Variants in TMEM131 observed in about 807,000 individuals in gnomAD.
TMEM131 encodes the protein transmembrane protein 131.
In TMEM131, 66 loss-of-function variants were observed where a neutral mutation model predicts 211.6. The ratio of observed to expected loss-of-function variants is 0.31; its 90% CI spans 0.26 to 0.38. The LOEUF (loss-of-function observed/expected upper bound fraction) is 0.38. TMEM131 is among the 10% of genes least tolerant of loss of function. The pLI is 1.00. For synonymous variants in TMEM131, 844 were observed against 841.3 expected, an observed-to-expected ratio of 1.00 and a Z score of -0.06; for missense variants, 2,036 against 2,299.3, an observed-to-expected ratio of 0.89 and a Z score of 2.34.
intron 12 of TMEM131, 87 bp downstream of exon 12, chr2:97,818,526 G>A: frequency 1.4e-6 from 1 of 713,900 alleles, no homozygotes; most frequent in Non-Finnish European, 2.2e-6. Flanking sequence ...AAACAGTTTG[G>A]ATTTTTATAT....
At chr2:97,801,648 C>G (rs1681040750) in intron 25 of TMEM131, among the ~76,000 whole-genome samples, 1 of 152,108 alleles carries the variant, frequency 6.6e-6, no homozygotes, top group African/African-American at 2.4e-5. Flanking sequence ...TTATTACAAA[C>G]CTTCATGGGC....
chr2:97,878,428 T>G (rs1472774663), intron 4 of TMEM131, among the ~76,000 whole-genome samples: 1 of 152,136 alleles, frequency 6.6e-6, no homozygotes, highest in Non-Finnish European at 1.5e-5. Context: ...CTATTCACAA[T>G]AGCAAAGACT....
chr2:97,859,220 A>C (rs1673967824), intron 5 of TMEM131, 84 bp downstream of exon 5: 1 of 1,397,920 alleles, frequency 7.2e-7, no homozygotes, highest in Admixed American at 2.6e-5. Flanking sequence ...ACCCAATTCT[A>C]ATCACAGCAA....
At chr2:97,976,368 C>T (rs1199561337) in intron 1 of TMEM131, among the ~76,000 whole-genome samples, 2 of 152,028 alleles carry the variant, frequency 1.3e-5, no homozygotes, top group African/African-American at 4.8e-5. Flanking sequence ...AAATTTACTT[C>T]TATATACTAG....
intron 4 of TMEM131, among the ~76,000 whole-genome samples, chr2:97,868,053 C>A (rs1002399019): frequency 2.6e-5 from 4 of 152,114 alleles, no homozygotes; most frequent in Non-Finnish European, 1.5e-5. Flanking sequence ...AAATCCCATG[C>A]CCTAAGGGTA....
intron 3 of TMEM131, among the ~76,000 whole-genome samples, chr2:97,900,106 A>G (rs1675787504): frequency 6.6e-6 from 1 of 152,176 alleles, no homozygotes. Context: ...TCATCTGGTA[A>G]CATGGTACAG....
chr2:97,890,612 G>C (rs1322949697), intron 3 of TMEM131, among the ~76,000 whole-genome samples: 1 of 152,124 alleles, frequency 6.6e-6, no homozygotes, highest in Non-Finnish European at 1.5e-5. Flanking sequence ...ATATTAAAAA[G>C]TTACTAATTT....
chr2:97,894,693 G>T (rs1443311447), intron 3 of TMEM131, among the ~76,000 whole-genome samples: 1 of 152,074 alleles, frequency 6.6e-6, no homozygotes, highest in African/African-American at 2.4e-5. Context: ...TTAGCGTATA[G>T]GAACGCTTGT....
At chr2:97,760,982 C>T (rs1054236958) in intron 36 of TMEM131, 68 bp from the exon 37 acceptor site, 1 of 1,589,152 alleles carries the variant, frequency 6.3e-7, no homozygotes, top group Non-Finnish European at 8.6e-7. Flanking sequence ...AGGTGTGGGG[C>T]TGGCAGGACT....
In TMEM131 at chr2:97,802,688, G is replaced by T; in HGVS notation, c.2505C>A (p.His835Gln). The change falls in exon 23 of 41, where the codon CAC becomes CAA. Residue 835 changes from histidine to glutamine, a missense_variant. Around this residue, in one of 3 missense-constraint regions of TMEM131, gnomAD observed 1,623 missense variants for 1,805.9 expected, o/e 0.90. Transcript: ENST00000186436. ...SWPSILSSPR[H>Q]LKFPLTNTNC... Reference sequence around the variant, plus strand: ...TTGTATTAGTAAGTGGAAATTTCAAGTGCCGGGGTGAGCTAAGTATGGAAG... The same window carrying T: ...TTGTATTAGTAAGTGGAAATTTCAATTGCCGGGGTGAGCTAAGTATGGAAG... The T allele has an allele frequency of 6.2e-7, 1 of 1,610,876 alleles. No homozygotes were observed. The highest frequency in any genetic ancestry group is 8.5e-7 in the Non-Finnish European group (1 of 1,178,526).
intron 31 of TMEM131, among the ~76,000 whole-genome samples, chr2:97,790,424 C>T (rs967051830): frequency 6.6e-6 from 1 of 152,214 alleles, no homozygotes; most frequent in Non-Finnish European, 1.5e-5. Context: ...TGTCTCCTCA[C>T]AGGCTCAAGA....
intron 3 of TMEM131, among the ~76,000 whole-genome samples, chr2:97,901,791 T>C (rs1675863619): frequency 6.6e-6 from 1 of 152,116 alleles, no homozygotes; most frequent in African/African-American, 2.4e-5. Flanking sequence ...CATTTGCTTT[T>C]TGGTGTGAGA....
In TMEM131 at chr2:97,760,611, T is replaced by G; in HGVS notation, c.5090A>C (p.Asp1697Ala). ...SSLGISHAPV[D>A]SDGSDSSGLW... is the part of the protein sequence containing the mutation. ...ACCGTACCTGTCTGAGCCATCGCTG[T>G]CAACAGGAGCGTGTGAAATGCCAAG... The change falls in exon 38 of 41, where the codon GAC (aspartate) becomes GCC (alanine). Residue 1697 changes from aspartate to alanine, a missense_variant. Transcript: ENST00000186436. 2.5e-6 allele frequency: 4 copies of G among 1,612,148 alleles called. No individual in the cohort carries two copies. The highest frequency in any genetic ancestry group is 3.4e-6 in the Non-Finnish European group (4 of 1,179,022).
intron 1 of TMEM131, among the ~76,000 whole-genome samples, chr2:97,940,370 C>T (rs952556258): frequency 6.6e-6 from 1 of 152,112 alleles, no homozygotes; most frequent in Non-Finnish European, 1.5e-5. Flanking sequence ...CTCCTATACA[C>T]CAATAAGAGA....
chr2:97,783,430 C>T lies in TMEM131; in HGVS notation c.4145-7412G>A, dbSNP rs548245573. On this transcript the variant is annotated intron_variant, in intron 31 of 40. Transcript: ENST00000186436. The stretch of plus-strand genomic sequence containing the variant: ...AAGTCTTCTAAATTATGTTTGATGA[C>T]TGATGCAAAAATTCAAACATTATCT... Among the ~76,000 whole-genome samples the T allele has an allele frequency of 5.7e-4, 86 of 152,138 alleles. 1 individual carries two copies. Among genetic ancestry groups the T allele is most frequent in the African/African-American group, 2.0e-3 (83 of 41,532 alleles).
intron 4 of TMEM131, among the ~76,000 whole-genome samples, chr2:97,879,332 G>C (rs990220106): frequency 6.6e-6 from 1 of 152,182 alleles, no homozygotes; most frequent in African/African-American, 2.4e-5. Context: ...GTTGTTCCCA[G>C]GTGCCAGCTG....
At chr2:97,907,301 G>A (rs936188940) in intron 3 of TMEM131, 4 of 152,078 alleles carry the variant, frequency 2.6e-5, no homozygotes, top group African/African-American at 9.7e-5. Context: ...ACAGAACAAT[G>A]GGGGAAAAGG....
intron 1 of TMEM131, among the ~76,000 whole-genome samples, chr2:97,993,889 A>C (rs771530551): frequency 2.6e-5 from 4 of 152,264 alleles, no homozygotes; most frequent in Non-Finnish European, 5.9e-5. Flanking sequence ...TGTTGGAAAA[A>C]TCAGCAGCAG....
At chr2:97,797,621 TA>T (rs976739395) in intron 25 of TMEM131, 105 bp from the exon 26 acceptor site, 27 of 949,870 alleles carry the variant, frequency 2.8e-5, no homozygotes, top group Non-Finnish European at 4.0e-5. Flanking sequence ...TCAAACTGAT[TA>T]AATGCATAAA....
Sources: allele counts gnomAD v4.1 joint callset (sites outside exome capture counted in the v4.1 genomes callset), GRCh38; gene constraint gnomAD v4.1.1; regional missense constraint gnomAD v4.1.1; transcripts MANE v1.5; gene names NCBI Gene and HGNC (gene_info 2026-07-23, HGNC 2026-07-21).